NEBL: variants seen among roughly 807,000 people sequenced by gnomAD.
NEBL encodes the protein nebulette.
A neutral mutation model predicts 140.2 loss-of-function variants in NEBL; 122 were observed. The ratio of observed to expected loss-of-function variants is 0.87; its 90% CI spans 0.75 to 1.01. NEBL has a LOEUF of 1.01. Ranked by LOEUF, NEBL falls within the 50% of genes least tolerant of loss-of-function variation. The pLI is 0.00. For synonymous variants in NEBL, 436 were observed against 398.9 expected, an observed-to-expected ratio of 1.09 and a Z score of -1.11; for missense variants, 1,365 against 1,231.3, an observed-to-expected ratio of 1.11 and a Z score of -1.62.
intron 1 of NEBL, among the ~76,000 whole-genome samples, chr10:21,278,014 C>T (rs1319626827): frequency 6.6e-6 from 1 of 152,198 alleles, no homozygotes; most frequent in East Asian, 1.9e-4. Flanking sequence ...ATCTGGAAAG[C>T]AGTAAGTGCT....
At chr10:21,183,749 A>G (rs1405120700) in intron 3 of NEBL, among the ~76,000 whole-genome samples, 2 of 152,092 alleles carry the variant, frequency 1.3e-5, no homozygotes, top group Admixed American at 6.5e-5. Flanking sequence ...GCAGGGTGAT[A>G]TGGTTTGGCT....
intron 3 of NEBL, among the ~76,000 whole-genome samples, chr10:20,981,819 A>T (rs1837056119): frequency 6.6e-6 from 1 of 152,214 alleles, no homozygotes; most frequent in Admixed American, 6.5e-5. Context: ...GAAGACATGA[A>T]TTGAGAGATA....
At chr10:21,142,279 T>A (rs149515290) in intron 2 of NEBL, among the ~76,000 whole-genome samples, 5 of 152,094 alleles carry the variant, frequency 3.3e-5, no homozygotes, top group Non-Finnish European at 7.4e-5. Context: ...TCACCCTGGG[T>A]TGCACCAGCC....
chr10:21,052,974 A>T (rs1339940785), intron 2 of NEBL, among the ~76,000 whole-genome samples: 1 of 152,218 alleles, frequency 6.6e-6, no homozygotes, highest in Non-Finnish European at 1.5e-5. Flanking sequence ...AGTCACAACA[A>T]TATATTGTCT....
chr10:21,040,749 A>T (rs1834234784), intron 2 of NEBL, among the ~76,000 whole-genome samples: 1 of 151,910 alleles, frequency 6.6e-6, no homozygotes, highest in Non-Finnish European at 1.5e-5. Flanking sequence ...AATGTTGGAG[A>T]AGGGGCCTCA....
chr10:20,913,449 T>C (rs1485799313), intron 4 of NEBL, among the ~76,000 whole-genome samples: 1 of 152,214 alleles, frequency 6.6e-6, no homozygotes, highest in Non-Finnish European at 1.5e-5. Flanking sequence ...AAAGTACTTA[T>C]TAAGAGATCG....
At chr10:21,026,998 G>A (rs1410643894) in intron 2 of NEBL, among the ~76,000 whole-genome samples, 3 of 152,174 alleles carry the variant, frequency 2.0e-5, no homozygotes, top group African/African-American at 7.2e-5. Flanking sequence ...TTTGACATAG[G>A]TTGTCACAAT....
At chr10:20,825,870 A>G (rs1020517461) in intron 18 of NEBL, among the ~76,000 whole-genome samples, 2 of 152,164 alleles carry the variant, frequency 1.3e-5, no homozygotes, top group African/African-American at 4.8e-5. Flanking sequence ...AAGTTATTTC[A>G]CAATTTATAG....
At chr10:20,925,397 T>A (rs1833848981) in intron 4 of NEBL, among the ~76,000 whole-genome samples, 3 of 152,126 alleles carry the variant, frequency 2.0e-5, no homozygotes, top group Non-Finnish European at 4.4e-5. Context: ...ATCTTTCCCC[T>A]CTTATGACCT....
chr10:20,805,322 C>T lies in NEBL; in HGVS notation c.2761+3188G>A, dbSNP rs566989152. ...GTGCCAATTGGTAGAATGTGCTTTG[C>T]TTCACTTAAATTAAATTAGCATATT... On this transcript the variant is annotated intron_variant, in intron 26 of 27. Coordinates refer to ENST00000377122, the MANE Select transcript of NEBL (RefSeq NM_006393.3). 2.0e-5 allele frequency among the ~76,000 whole-genome samples: 3 copies of T among 152,254 alleles called. No homozygotes were observed. The East Asian group carries it at 5.8e-4, about 29-fold the overall frequency.
At chr10:21,207,550 C>T (rs1841846971) in intron 3 of NEBL, among the ~76,000 whole-genome samples, 1 of 152,114 alleles carries the variant, frequency 6.6e-6, no homozygotes, top group African/African-American at 2.4e-5. Context: ...CCTTTCTCCA[C>T]CCTACTTTGC....
At chr10:20,892,421 A>C (rs1206793159) in intron 2 of NEBL, among the ~76,000 whole-genome samples, 1 of 152,218 alleles carries the variant, frequency 6.6e-6, no homozygotes, top group Non-Finnish European at 1.5e-5. Flanking sequence ...GAAGGAAAGG[A>C]GCCTGGGAGA....
intron 3 of NEBL, among the ~76,000 whole-genome samples, chr10:21,212,278 A>T (rs990932867): frequency 5.9e-5 from 9 of 152,102 alleles, no homozygotes; most frequent in African/African-American, 2.2e-4. Flanking sequence ...GTAAATGTAT[A>T]TATATCTGTA....
At chr10:20,828,486 C>A in intron 17 of NEBL, 44 bp downstream of exon 17, 1 of 1,339,900 alleles carries the variant, frequency 7.5e-7, no homozygotes, top group Non-Finnish European at 1.1e-6. Context: ...TCTTACAAAA[C>A]AAAATTTCAA....
chr10:21,099,265 C>A (rs1027064678), intron 2 of NEBL, among the ~76,000 whole-genome samples: 3 of 151,954 alleles, frequency 2.0e-5, no homozygotes, highest in Admixed American at 2.0e-4. Context: ...TCAATGATTC[C>A]CATTTCTTCT....
intron 1 of NEBL, among the ~76,000 whole-genome samples, chr10:21,285,267 G>A (rs976238265): frequency 1.3e-5 from 2 of 152,134 alleles, no homozygotes; most frequent in Non-Finnish European, 2.9e-5. Context: ...AAATCACTAA[G>A]CTAAAGGGAA....
Position 20,785,705 on chromosome 10 carries a change from T to A in NEBL, c.*42A>T, listed in dbSNP as rs1220842694. On this transcript the variant is annotated 3_prime_UTR_variant, in exon 28 of 28. Coordinates refer to ENST00000377122, the MANE Select transcript of NEBL (RefSeq NM_006393.3). ...TTCTATCTTTTAAAAAGATTAGGTT[T>A]GGGATACATTAGAATAAAGCTCAAA... 1 of 1,594,598 alleles carries A rather than the reference T, an allele frequency of 6.3e-7. No homozygotes were observed. Among genetic ancestry groups the A allele is most frequent in the Admixed American group, 1.7e-5 (1 of 59,026 alleles).
At chr10:20,912,394 T>C (rs992046026) in intron 4 of NEBL, among the ~76,000 whole-genome samples, 3 of 152,332 alleles carry the variant, frequency 2.0e-5, no homozygotes, top group African/African-American at 7.2e-5. Context: ...CAGGCTGCAA[T>C]GCGCTACGAT....
rs76545977 is a variant in NEBL at position 21,101,448 on chromosome 10, T to C, written c.164+70935A>G. Among the ~76,000 whole-genome samples the C allele has an allele frequency of 1.5e-3, 236 of 152,280 alleles. 1 individual carries two copies. The highest frequency in any genetic ancestry group is 5.5e-3 in the African/African-American group (229 of 41,552). On this transcript the variant is annotated intron_variant, in intron 2 of 6. Coordinates refer to the NEBL transcript ENST00000417816. ...TCACTCCTCCTTCTGCTACCCCTTC[T>C]TGTTAGAGGGAAAGTGGACATGATA...
Sources: allele counts gnomAD v4.1 joint callset (sites outside exome capture counted in the v4.1 genomes callset), GRCh38; gene constraint gnomAD v4.1.1; transcripts MANE v1.5; gene names NCBI Gene and HGNC (gene_info 2026-07-23, HGNC 2026-07-21).